The following RYR3 variants were observed in gnomAD, a reference collection of about 807,000 sequenced individuals.
The protein encoded by RYR3 is brain ryanodine receptor-calcium release channel.
RYR3 carries 207 observed loss-of-function variants against 584.3 expected under a neutral mutation model. The ratio of observed to expected loss-of-function variants is 0.35; its 90% confidence interval spans 0.32 to 0.40. The LOEUF (loss-of-function observed/expected upper bound fraction) is 0.40. RYR3 is among the 10% of genes least tolerant of loss of function. The pLI, the probability that RYR3 is intolerant of heterozygous loss-of-function variation, is 1.00. For missense variants in RYR3, 5,616 were observed against 6,089.2 expected, an observed-to-expected ratio of 0.92 and a Z score of 2.59; for synonymous variants, 2,416 against 2,248.5, an observed-to-expected ratio of 1.07 and a Z score of -2.11.
At chr15:33,468,905 G>A (rs1351103855) in intron 1 of RYR3, among the ~76,000 whole-genome samples, 1 of 152,142 alleles carries the variant, frequency 6.6e-6, no homozygotes, top group Admixed American at 6.5e-5. Flanking sequence ...GCCACCATGA[G>A]ACCTGAGGCA....
chr15:33,626,960 A>T (rs949159466), intron 20 of RYR3, among the ~76,000 whole-genome samples: 3 of 152,118 alleles, frequency 2.0e-5, no homozygotes, highest in Admixed American at 1.3e-4. Context: ...GTGGAAGGAA[A>T]ATGTGGGATT....
At position 33,541,865 on chromosome 15, in the gene RYR3, C is replaced by T. The variant is rs369100247; in HGVS notation, c.646+975C>T. Among the ~76,000 whole-genome samples, 583 of 152,236 alleles carry T rather than the reference C, an allele frequency of 3.8e-3. 4 individuals are homozygous for T. The highest frequency in any genetic ancestry group is 0.013 in the African/African-American group (554 of 41,552). Reference sequence around the variant, plus strand: ...CTTTGTGCCAAAATTAACCCACCCTCCTGGGTCTATTGTCAGTCAATCCCT... The same window carrying T: ...CTTTGTGCCAAAATTAACCCACCCTTCTGGGTCTATTGTCAGTCAATCCCT... On this transcript the variant is annotated intron_variant, in intron 7 of 103. Transcript: ENST00000634891.
At chr15:33,444,929 G>A (rs1414241643) in intron 1 of RYR3, among the ~76,000 whole-genome samples, 2 of 151,612 alleles carry the variant, frequency 1.3e-5, no homozygotes, top group African/African-American at 2.4e-5. Flanking sequence ...GGAGTGCGCG[G>A]CCCCTGTGCC....
At chr15:33,754,489 A>G (rs1254566153) in intron 57 of RYR3, among the ~76,000 whole-genome samples, 2 of 151,946 alleles carry the variant, frequency 1.3e-5, no homozygotes, top group African/African-American at 4.8e-5. Context: ...CTTAAGAACT[A>G]TTTCCCCAGA....
chr15:33,460,375 T>A (rs758406384), intron 1 of RYR3, among the ~76,000 whole-genome samples: 13 of 152,224 alleles, frequency 8.5e-5, no homozygotes, highest in Non-Finnish European at 1.9e-4. Context: ...ATATTGCAAC[T>A]CTTACATTTG....
At chr15:33,682,748 G>A (rs886612498) in intron 38 of RYR3, among the ~76,000 whole-genome samples, 2 of 152,022 alleles carry the variant, frequency 1.3e-5, no homozygotes, top group South Asian at 2.1e-4. Flanking sequence ...CCGAACCATC[G>A]AGTGCACTTG....
intron 2 of RYR3, among the ~76,000 whole-genome samples, chr15:33,484,258 A>G (rs919578446): frequency 1.3e-5 from 2 of 149,138 alleles, no homozygotes; most frequent in African/African-American, 4.9e-5. Context: ...AAAAGTTTTC[A>G]TAAGAGACAC....
intron 12 of RYR3, among the ~76,000 whole-genome samples, chr15:33,578,197 A>G (rs2058397642): frequency 6.6e-6 from 1 of 152,206 alleles, no homozygotes. Context: ...AATACAGTGT[A>G]GCAATTCCTC....
chr15:33,791,760 G>A (rs997733082), intron 67 of RYR3, among the ~76,000 whole-genome samples: 5 of 152,144 alleles, frequency 3.3e-5, no homozygotes, highest in African/African-American at 1.2e-4. Flanking sequence ...ACAAAAACAG[G>A]CTAGGGAGTT....
rs1277837542 is a variant in RYR3 at position 33,853,604 on chromosome 15, T to A, written c.13721T>A (p.Leu4574His). 6.2e-7 allele frequency: 1 copy of A among 1,613,884 alleles called. No homozygotes were observed. The highest frequency in any genetic ancestry group is 8.5e-7 in the Non-Finnish European group (1 of 1,179,900). Residue 4574 changes from leucine (L) to histidine (H), a missense_variant, in exon 96 of 104, where the codon CTT (leucine) becomes CAT (histidine). By Grantham distance (99) the Leu-to-His change is moderately conservative. Coordinates refer to ENST00000634891, the MANE Select transcript of RYR3 (RefSeq NM_001036.6). ...TACGGAGCAGAACGCATTGCTGAACTTCTGGGTTTGGACAAAAATGCTCTT... is the reference window on the plus strand; with the variant it reads ...TACGGAGCAGAACGCATTGCTGAACATCTGGGTTTGGACAAAAATGCTCTT... The part of the protein sequence containing the change: ...DLYGAERIAE[L>H]LGLDKNALDF...
At chr15:33,471,951 G>A (rs1439120644) in intron 1 of RYR3, among the ~76,000 whole-genome samples, 1 of 151,954 alleles carries the variant, frequency 6.6e-6, no homozygotes, top group Non-Finnish European at 1.5e-5. Context: ...AGGATCTAGG[G>A]GCACACTCCA....
intron 1 of RYR3, among the ~76,000 whole-genome samples, chr15:33,467,147 A>C (rs2048555297): frequency 1.3e-5 from 2 of 152,240 alleles, no homozygotes; most frequent in Non-Finnish European, 2.9e-5. Context: ...TAAGATGAGT[A>C]GGTAGGAAAC....
In RYR3 at chr15:33,857,827, TGTG is replaced by T; in HGVS notation, c.14060_14062del (p.Val4687del). On this transcript the variant is annotated inframe_deletion, in exon 99 of 104. Transcript: ENST00000634891. ...TGGCCGTGGTGGTTTATCTCTATAC[TGTG>T]GTGGCTTTCAACTTCTTCCGCAAGT... The T allele has an allele frequency of 6.2e-7, 1 of 1,614,212 alleles. No individual in the cohort carries two copies. The highest frequency in any genetic ancestry group is 8.5e-7 in the Non-Finnish European group (1 of 1,180,026).
intron 19 of RYR3, among the ~76,000 whole-genome samples, chr15:33,615,463 A>T (rs930790649): frequency 6.6e-6 from 1 of 152,210 alleles, no homozygotes; most frequent in Non-Finnish European, 1.5e-5. Flanking sequence ...TTTGAGACAG[A>T]TGTGTGTGTA....
At chr15:33,850,894 T>A (rs1319988701) in intron 94 of RYR3, 1 of 152,208 alleles carries the variant, frequency 6.6e-6, no homozygotes, top group South Asian at 2.1e-4. Context: ...TCAGTGATAT[T>A]AGTGATATTC....
intron 1 of RYR3, among the ~76,000 whole-genome samples, chr15:33,317,738 A>T (rs1367558377): frequency 6.6e-6 from 1 of 152,180 alleles, no homozygotes; most frequent in African/African-American, 2.4e-5. Context: ...ATTCCAGAAT[A>T]AAAGAGCTAT....
At chr15:33,510,843 T>C (rs896903518) in intron 3 of RYR3, among the ~76,000 whole-genome samples, 8 of 152,210 alleles carry the variant, frequency 5.3e-5, no homozygotes, top group Admixed American at 1.3e-4. Flanking sequence ...TCCTTTGTCA[T>C]GTTATGCTAT....
At chr15:33,591,326 T>G (rs909399233) in intron 16 of RYR3, among the ~76,000 whole-genome samples, 1 of 152,260 alleles carries the variant, frequency 6.6e-6, no homozygotes, top group African/African-American at 2.4e-5. Context: ...TCTATTATAG[T>G]TATTTTTTCA....
rs537212344 is a variant in RYR3 at position 33,688,102 on chromosome 15, A to G, written c.5861-8116A>G. Among the ~76,000 whole-genome samples, 24 of 152,342 alleles carry G rather than the reference A, an allele frequency of 1.6e-4. No individual in the cohort carries two copies. The East Asian group carries it at 4.2e-3, about 27-fold the overall frequency. Reference sequence around the variant, plus strand: ...CTCAAGAGCTTCTGCACAGCAAAAGAAACTACCATCAGAGTGAACAGGCAA... The same window carrying G: ...CTCAAGAGCTTCTGCACAGCAAAAGGAACTACCATCAGAGTGAACAGGCAA... On this transcript the variant is annotated intron_variant, in intron 38 of 103. Coordinates refer to ENST00000634891, the MANE Select transcript of RYR3 (RefSeq NM_001036.6).
Sources: allele counts gnomAD v4.1 joint callset (sites outside exome capture counted in the v4.1 genomes callset), GRCh38; gene constraint gnomAD v4.1.1; transcripts MANE v1.5; gene names NCBI Gene and HGNC (gene_info 2026-07-23, HGNC 2026-07-21).